The following PBRM1 variants were observed in gnomAD, a reference collection of about 807,000 sequenced individuals.
PBRM1 encodes polybromo 1.
Under a neutral mutation model 194.5 loss-of-function variants are expected in PBRM1, and 27 were observed. The observed-to-expected ratio is 0.14, with a 90% CI of 0.10 to 0.19. The LOEUF (loss-of-function observed/expected upper bound fraction) is 0.19, where lower values mean the gene tolerates loss of function less well. Ranked by LOEUF, PBRM1 falls within the 10% of genes least tolerant of loss-of-function variation. The pLI, the probability that PBRM1 is intolerant of heterozygous loss-of-function variation, is 1.00. For synonymous variants in PBRM1, 655 were observed against 693.2 expected (o/e 0.94, Z 0.87); for missense variants, 1,466 against 2,077.2 (o/e 0.71, Z 5.72).
At chr3:52,644,320 G>A (rs1338452521) in intron 8 of PBRM1, among the ~76,000 whole-genome samples, 3 of 151,964 alleles carry the variant, frequency 2.0e-5, no homozygotes, top group African/African-American at 7.3e-5. Context: ...AACATAAACC[G>A]TGTTAATGTT....
intron 12 of PBRM1, among the ~76,000 whole-genome samples, chr3:52,628,028 T>C (rs1264571643): frequency 6.6e-6 from 1 of 152,212 alleles, no homozygotes; most frequent in Non-Finnish European, 1.5e-5. Context: ...ATAGACCCAA[T>C]TTGTATTTCA....
chr3:52,564,816 C>T (rs2084635479), intron 22 of PBRM1, among the ~76,000 whole-genome samples: 1 of 152,224 alleles, frequency 6.6e-6, no homozygotes, highest in African/African-American at 2.4e-5. Flanking sequence ...GGAAAGAACA[C>T]TCTTTTCAAC....
Position 52,550,735 on chromosome 3 carries a change from T to C in PBRM1, c.4680+12A>G. On this transcript the variant is annotated intron_variant, in intron 28 of 29. Transcript: ENST00000296302. Reference sequence around the variant, plus strand: ...TCTGTCAAGTCCTAGAAAATCAAACTGGGAGGCTCACCTGTTGTCCATATG... The same window carrying C: ...TCTGTCAAGTCCTAGAAAATCAAACCGGGAGGCTCACCTGTTGTCCATATG... 2 of 1,605,974 alleles carry C rather than the reference T, an allele frequency of 1.2e-6. No homozygotes were observed. The highest frequency in any genetic ancestry group is 1.7e-6 in the Non-Finnish European group (2 of 1,173,608).
chr3:52,562,537 CTT>C (rs61349809), intron 24 of PBRM1, among the ~76,000 whole-genome samples: 61 of 108,154 alleles, frequency 5.6e-4, no homozygotes, highest in East Asian at 3.4e-3. Flanking sequence ...TGAGAAAATT[CTT>C]TTTTTTTTTT....
At chr3:52,563,363 C>G in exon 24 of PBRM1, 1 of 1,614,042 alleles carries the variant, frequency 6.2e-7, no homozygotes, top group African/African-American at 1.3e-5. Flanking sequence ...GGTTCAATGA[C>G]CTCACTATCT....
chr3:52,647,429 GAAAAAAAAAAAAA>G (rs71637569), intron 7 of PBRM1, among the ~76,000 whole-genome samples: 5 of 44,488 alleles, frequency 1.1e-4, no homozygotes, highest in African/African-American at 2.6e-4. Context: ...GTATCAAAGA[GAAAAAAAAAAAAA>G]AAAAAAAAAA....
intron 3 of PBRM1, among the ~76,000 whole-genome samples, chr3:52,663,374 C>A (rs1481291203): frequency 6.6e-6 from 1 of 152,204 alleles, no homozygotes; most frequent in Non-Finnish European, 1.5e-5. Context: ...AGGACGACTG[C>A]CCATCTCAAC....
At chr3:52,570,011 C>T (rs190550377) in intron 22 of PBRM1, among the ~76,000 whole-genome samples, 15 of 152,242 alleles carry the variant, frequency 9.9e-5, no homozygotes, top group Admixed American at 6.5e-4. Context: ...CTCACTCTGT[C>T]GCTAGGCTGC....
chr3:52,588,750 G>A (rs1451469130), intron 18 of PBRM1, among the ~76,000 whole-genome samples: 3 of 151,770 alleles, frequency 2.0e-5, no homozygotes, highest in Non-Finnish European at 2.9e-5. Context: ...TAGAGACAGG[G>A]TTTCACTGTG....
chr3:52,633,801 T>C (rs540604909), intron 11 of PBRM1, among the ~76,000 whole-genome samples: 2 of 152,330 alleles, frequency 1.3e-5, no homozygotes, highest in South Asian at 2.1e-4. Flanking sequence ...GCCAGCTGTA[T>C]ATTTTCCTTG....
intron 17 of PBRM1, among the ~76,000 whole-genome samples, chr3:52,593,278 A>G (rs2093271375): frequency 6.6e-6 from 1 of 151,676 alleles, no homozygotes; most frequent in African/African-American, 2.4e-5. Context: ...TTTAAACAAG[A>G]GTCTTGCTCT....
chr3:52,587,588 T>C, intron 18 of PBRM1, 78 bp from the exon 21 acceptor site: 1 of 1,128,356 alleles, frequency 8.9e-7, no homozygotes, highest in Non-Finnish European at 1.2e-6. Flanking sequence ...TTTTTTTTTT[T>C]TTAAAGAGAC....
At chr3:52,634,628 T>C (rs369786735) in exon 11 of PBRM1, 10 of 1,611,700 alleles carry the variant, frequency 6.2e-6, no homozygotes, top group Non-Finnish European at 8.5e-6. Flanking sequence ...ATATGGGCAT[T>C]TTAATTTGCT....
chr3:52,571,927 T>A (rs4687546), intron 22 of PBRM1, among the ~76,000 whole-genome samples: 60,187 of 146,542 alleles, frequency 0.41, 12,649 homozygotes, highest in Admixed American at 0.49. Context: ...AGTCCCAGCT[T>A]CTTGGAAGGC....
intron 16 of PBRM1, among the ~76,000 whole-genome samples, chr3:52,608,215 T>C (rs1161595294): frequency 3.3e-5 from 5 of 152,224 alleles, no homozygotes; most frequent in South Asian, 4.1e-4. Context: ...CTCCATGACT[T>C]GTCCTGGTAA....
chr3:52,615,920 C>A (rs2094928052), intron 14 of PBRM1, among the ~76,000 whole-genome samples: 1 of 152,120 alleles, frequency 6.6e-6, no homozygotes, highest in Admixed American at 6.5e-5. Context: ...TATAAAAAAA[C>A]AATTATCCTT....
Position 52,653,451 on chromosome 3 carries a change from T to C in PBRM1, c.646-1641A>G, listed in dbSNP as rs184335039. On this transcript the variant is annotated intron_variant, in intron 5 of 29. Coordinates refer to ENST00000296302, the Ensembl canonical transcript of PBRM1. ...CTAAAAATTCAAAATTAGCCTGGTATGTTGGTGCATGCATGTAATCCCAGC... is the reference window on the plus strand; with the variant it reads ...CTAAAAATTCAAAATTAGCCTGGTACGTTGGTGCATGCATGTAATCCCAGC... 2.0e-3 allele frequency among the ~76,000 whole-genome samples: 300 copies of C among 151,292 alleles called. 1 individual carries two copies. The highest frequency in any genetic ancestry group is 0.012 in the Admixed American group (182 of 15,188).
intron 19 of PBRM1, among the ~76,000 whole-genome samples, 181 bp downstream of exon 21, chr3:52,587,172 G>A (rs923934917): frequency 6.6e-6 from 1 of 152,148 alleles, no homozygotes; most frequent in South Asian, 2.1e-4. Context: ...GCAGCAAGTG[G>A]TCTTTCACAA....
rs1408585586 is a variant in PBRM1, at chr3:52,589,260, G to C, written c.2780-5C>G. On this transcript the variant is annotated splice_region_variant and splice_polypyrimidine_tract_variant and intron_variant, in intron 17 of 29. Transcript: ENST00000296302. ...AATCTTCACTCTTTTCAGCTTCTTAGGTAAAAAAATAAATAAATAAAGGAA... is the reference window on the plus strand; with the variant it reads ...AATCTTCACTCTTTTCAGCTTCTTACGTAAAAAAATAAATAAATAAAGGAA... The C allele has an allele frequency of 2.0e-6, 3 of 1,500,862 alleles. No homozygotes were observed. Among genetic ancestry groups the C allele is most frequent in the Non-Finnish European group, 2.7e-6 (3 of 1,129,802 alleles). The allele number at this position is 1,500,862 out of a possible 1,614,324, so 93.0% of individuals were successfully genotyped here. A position where few individuals can be genotyped will look rare whatever the true frequency, so the allele number is the denominator to read the frequency against.
Sources: allele counts gnomAD v4.1 joint callset (sites outside exome capture counted in the v4.1 genomes callset), GRCh38; gene constraint gnomAD v4.1.1; transcripts MANE v1.5; gene names NCBI Gene and HGNC (gene_info 2026-07-23, HGNC 2026-07-21).